Variants in KIF26B observed in about 807,000 individuals in gnomAD.
The protein encoded by KIF26B is kinesin-like protein KIF26B.
In KIF26B, 63 loss-of-function variants were observed where a neutral mutation model predicts 151.2. The observed-to-expected ratio is 0.42, with a 90% confidence interval of 0.34 to 0.51. The LOEUF is 0.51. Ranked by LOEUF, KIF26B falls within the 20% of genes least tolerant of loss-of-function variation. The pLI, the probability that KIF26B is intolerant of heterozygous loss-of-function variation, is 0.07. For missense variants in KIF26B, 2,813 were observed against 2,913.6 expected (o/e 0.97, Z 0.79); for synonymous variants, 1,357 against 1,262.1 (o/e 1.08, Z -1.59).
At chr1:245,181,856 C>T (rs892751772) in intron 2 of KIF26B, among the ~76,000 whole-genome samples, 32 of 152,002 alleles carry the variant, frequency 2.1e-4, no homozygotes, top group Non-Finnish European at 2.2e-4. Context: ...GAGATGCTGG[C>T]GACCGTGCTA....
intron 8 of KIF26B, 65 bp downstream of exon 8, chr1:245,609,593 G>C: frequency 3.5e-6 from 5 of 1,430,838 alleles, no homozygotes; most frequent in Non-Finnish European, 4.6e-6. Flanking sequence ...GGCTGGGGCA[G>C]CTCCACCCGT....
At chr1:245,295,158 A>T (rs1671316301) in intron 2 of KIF26B, among the ~76,000 whole-genome samples, 2 of 152,206 alleles carry the variant, frequency 1.3e-5, no homozygotes, top group Admixed American at 1.3e-4. Context: ...GTTATTTGGG[A>T]TGGAGAGAAA....
In KIF26B at chr1:245,702,763, T is replaced by A. The variant is rs945835522; in HGVS notation, c.*157T>A. 1.3e-6 allele frequency: 1 copy of A among 790,754 alleles called. No homozygotes were observed. Among genetic ancestry groups the A allele is most frequent in the African/African-American group, 1.7e-5 (1 of 58,092 alleles). The allele number at this position is 790,754 out of a possible 1,614,324, so 49.0% of individuals were successfully genotyped here. On this transcript the variant is annotated 3_prime_UTR_variant, in exon 15 of 15. Transcript: ENST00000407071. This position sits in a 1 kb window ranked among gnomAD's most constrained non-coding sequence, Gnocchi z 4.1. ...GGCGTTGAGCGGAAGGCGAGTTTTC[T>A]TTTGTTTTCTGTAGGAAAGGTGCAA...
chr1:245,494,801 A>C (rs1660478807), intron 4 of KIF26B, among the ~76,000 whole-genome samples: 2 of 152,104 alleles, frequency 1.3e-5, no homozygotes, highest in Non-Finnish European at 2.9e-5. Flanking sequence ...GCATTTTGGG[A>C]GGCTGAGTTG....
chr1:245,416,431 GTT>G (rs1004019328), intron 3 of KIF26B, among the ~76,000 whole-genome samples: 109 of 152,196 alleles, frequency 7.2e-4, no homozygotes, highest in African/African-American at 2.3e-3. Context: ...TCACAAACAT[GTT>G]TTGAGCATCT....
At chr1:245,202,045 A>C (rs1316428039) in intron 2 of KIF26B, among the ~76,000 whole-genome samples, 5 of 152,220 alleles carry the variant, frequency 3.3e-5, no homozygotes, top group African/African-American at 1.2e-4. Context: ...ATGACAGAGC[A>C]GCTTTATTTA....
At chr1:245,423,097 C>CAAA (rs35659375) in intron 4 of KIF26B, among the ~76,000 whole-genome samples, 5 of 77,570 alleles carry the variant, frequency 6.4e-5, no homozygotes, top group South Asian at 4.7e-4. Context: ...GACTCAGTCT[C>CAAA]AAAAAAAAAA....
rs201078707 is a variant in KIF26B, at chr1:245,526,119, TTCC to T, written c.1167-14646_1167-14644del. Reference sequence around the variant, plus strand: ...TTAACTAGAAAATTTGAACTAAATCTTCCTGAAGATTTCTTCTCTATTAAAAAC... The same window carrying T: ...TTAACTAGAAAATTTGAACTAAATCTTGAAGATTTCTTCTCTATTAAAAAC... On this transcript the variant is annotated intron_variant, in intron 4 of 14. Transcript: ENST00000407071. 5.0e-3 allele frequency among the ~76,000 whole-genome samples: 768 copies of T among 152,336 alleles called. 10 individuals are homozygous for T. The highest frequency in any genetic ancestry group is 0.017 in the African/African-American group (699 of 41,572).
chr1:245,589,070 G>A (rs929273887), intron 5 of KIF26B, among the ~76,000 whole-genome samples: 4 of 152,142 alleles, frequency 2.6e-5, no homozygotes, highest in African/African-American at 9.7e-5. Context: ...TATACGTCGG[G>A]CTCTTAAGAA....
At chr1:245,693,160 G>A (rs932464985) in intron 12 of KIF26B, among the ~76,000 whole-genome samples, 1 of 152,150 alleles carries the variant, frequency 6.6e-6, no homozygotes, top group African/African-American at 2.4e-5. Context: ...TTCTTGGACT[G>A]GATGGGGAAG....
intron 2 of KIF26B, among the ~76,000 whole-genome samples, chr1:245,246,498 C>T (rs1427089159): frequency 6.6e-6 from 1 of 152,198 alleles, no homozygotes; most frequent in Non-Finnish European, 1.5e-5. Context: ...CCAGTCTCCC[C>T]ACCACCCAGG....
At chr1:245,476,674 CACAG>C (rs1043700267) in intron 4 of KIF26B, among the ~76,000 whole-genome samples, 1 of 151,428 alleles carries the variant, frequency 6.6e-6, no homozygotes, top group African/African-American at 2.4e-5. Context: ...TAGTTGAGAC[CACAG>C]ACACATGCCA....
chr1:245,547,479 A>T (rs2681675), intron 5 of KIF26B, among the ~76,000 whole-genome samples: 7 of 151,212 alleles, frequency 4.6e-5, no homozygotes, highest in Non-Finnish European at 7.4e-5. Flanking sequence ...CCAGCTACTC[A>T]GGAGGCTGAG....
chr1:245,492,232 A>G (rs986181413), intron 4 of KIF26B, among the ~76,000 whole-genome samples: 1 of 152,154 alleles, frequency 6.6e-6, no homozygotes, highest in African/African-American at 2.4e-5. Context: ...CCAAAACACA[A>G]TTTAAACCCT....
intron 4 of KIF26B, among the ~76,000 whole-genome samples, chr1:245,431,209 C>T (rs974661665): frequency 1.1e-4 from 17 of 152,128 alleles, no homozygotes; most frequent in Middle Eastern, 3.4e-3. Flanking sequence ...GACAGAGTCT[C>T]GCTCCGTCGC....
In KIF26B at chr1:245,606,643, A is replaced by C. The variant is rs1354516753; in HGVS notation, c.1558-1008A>C. Among the ~76,000 whole-genome samples, 1 of 152,218 alleles carries C rather than the reference A, an allele frequency of 6.6e-6. No homozygotes were observed. Among genetic ancestry groups the C allele is most frequent in the African/African-American group, 2.4e-5 (1 of 41,462 alleles). ...AGAGCCTGGTCCCTGTCTAGGATTT[A>C]ATAATCAAATTGGAGACCAGACACA... On this transcript the variant is annotated intron_variant, in intron 6 of 14. Coordinates refer to ENST00000407071, the MANE Select transcript of KIF26B (RefSeq NM_018012.4). This position sits in a 1 kb window ranked among gnomAD's most constrained non-coding sequence, Gnocchi z 4.6.
intron 2 of KIF26B, among the ~76,000 whole-genome samples, chr1:245,181,199 T>TC (rs113928029): frequency 9.9e-5 from 15 of 151,980 alleles, no homozygotes; most frequent in East Asian, 1.9e-4. Flanking sequence ...TACCCCGATT[T>TC]CCCCCCCTTC....
intron 3 of KIF26B, among the ~76,000 whole-genome samples, chr1:245,404,942 G>A (rs1340904603): frequency 1.3e-5 from 2 of 152,194 alleles, no homozygotes; most frequent in Non-Finnish European, 1.5e-5. Flanking sequence ...TTCAAGGAAG[G>A]ACTTGGAGAA....
At chr1:245,451,647 G>A (rs1659396453) in intron 4 of KIF26B, among the ~76,000 whole-genome samples, 3 of 126,456 alleles carry the variant, frequency 2.4e-5, no homozygotes, top group African/African-American at 9.4e-5. Flanking sequence ...CTCTCACCCA[G>A]GCAAGTGCAG....
Sources: allele counts gnomAD v4.1 joint callset (sites outside exome capture counted in the v4.1 genomes callset), GRCh38; gene constraint gnomAD v4.1.1; non-coding constraint Gnocchi (gnomAD v3.1); transcripts MANE v1.5; gene names NCBI Gene and HGNC (gene_info 2026-07-23, HGNC 2026-07-21).